Variants in PRMT9 observed in about 807,000 individuals in gnomAD.
PRMT9 encodes the protein protein arginine N-methyltransferase 9.
Under a neutral mutation model 83.2 loss-of-function variants are expected in PRMT9, and 59 were observed. The observed-to-expected ratio is 0.71, with a 90% CI of 0.57 to 0.88. The LOEUF is 0.88. Among genes scored for constraint, PRMT9 ranks in the 40% least tolerant of loss-of-function variants. The pLI is 0.00. For synonymous variants in PRMT9, 333 were observed against 353.2 expected, an observed-to-expected ratio of 0.94 and a Z score of 0.64; for missense variants, 947 against 1,021.9, an observed-to-expected ratio of 0.93 and a Z score of 1.00.
intron 1 of PRMT9, among the ~76,000 whole-genome samples, chr4:147,682,092 G>A (rs1736508898): frequency 2.0e-5 from 3 of 152,140 alleles, no homozygotes; most frequent in African/African-American, 7.2e-5. Context: ...TGCAACCTCC[G>A]CCTCCCGAGT....
At chr4:147,678,399 T>C (rs1372184660) in intron 2 of PRMT9, among the ~76,000 whole-genome samples, 1 of 152,244 alleles carries the variant, frequency 6.6e-6, no homozygotes, top group Non-Finnish European at 1.5e-5. Context: ...CCCATCACTC[T>C]GAAACGTTCA....
At chr4:147,677,577 C>T (rs777412866) in intron 2 of PRMT9, among the ~76,000 whole-genome samples, 2 of 151,620 alleles carry the variant, frequency 1.3e-5, no homozygotes, top group Non-Finnish European at 2.9e-5. Context: ...CCTCAGCCTC[C>T]CGAGTAGCTG....
intron 4 of PRMT9, among the ~76,000 whole-genome samples, chr4:147,672,327 C>A (rs1735793034): frequency 6.6e-6 from 1 of 152,136 alleles, no homozygotes; most frequent in Non-Finnish European, 1.5e-5. Flanking sequence ...GGAAGTTAAA[C>A]CCAGAAGAGA....
chr4:147,650,836 C>A (rs1274239572), intron 9 of PRMT9, among the ~76,000 whole-genome samples: 1 of 152,168 alleles, frequency 6.6e-6, no homozygotes, highest in Non-Finnish European at 1.5e-5. Flanking sequence ...GGCACGGTGG[C>A]TCATGCCTGT....
At chr4:147,671,054 T>G (rs1257580695) in intron 4 of PRMT9, among the ~76,000 whole-genome samples, 1 of 152,168 alleles carries the variant, frequency 6.6e-6, no homozygotes, top group African/African-American at 2.4e-5. Context: ...CCTACATCTT[T>G]AAGAGTGGTT....
rs538790926 is a variant in PRMT9 at position 147,653,871 on chromosome 4, C to T, written c.2026G>A (p.Glu676Lys). 2.5e-6 allele frequency: 4 copies of T among 1,612,666 alleles called. No homozygotes were observed. The South Asian group carries it at 4.4e-5, about 18-fold the overall frequency. The change falls in exon 9 of 12, where the codon GAA becomes AAA. Residue 676 changes from glutamate (E) to lysine (K), a missense_variant. Coordinates refer to ENST00000322396, the MANE Select transcript of PRMT9 (RefSeq NM_138364.4). ...TTTTACCTGGATATTGCAGCTTTTT[C>T]CATTATTTCCTGCTGAATGAGCCCA... ...PSGLIQQEIMEKAAISRCLLQ... is the reference protein window; with the variant it reads ...PSGLIQQEIMKKAAISRCLLQ...
chr4:147,662,279 A>G (rs545910558), intron 6 of PRMT9, among the ~76,000 whole-genome samples: 2 of 152,326 alleles, frequency 1.3e-5, no homozygotes, highest in Non-Finnish European at 1.5e-5. Flanking sequence ...AATTCAAAAC[A>G]AGCAACACTA....
At chr4:147,659,749 T>C (rs756964499) in intron 7 of PRMT9, among the ~76,000 whole-genome samples, 1 of 151,942 alleles carries the variant, frequency 6.6e-6, no homozygotes, top group African/African-American at 2.4e-5. Flanking sequence ...AGCTAATTTT[T>C]TGTATTTTTT....
chr4:147,659,601 G>C (rs1189266333), intron 7 of PRMT9, among the ~76,000 whole-genome samples: 1 of 109,940 alleles, frequency 9.1e-6, no homozygotes, highest in Non-Finnish European at 1.9e-5. Context: ...TTTCTGAGAC[G>C]GAGTTTCGCT....
Position 147,658,969 on chromosome 4 carries a change from G to A in PRMT9, c.1147-994C>T, listed in dbSNP as rs540402486. ...CCAAGGCGGACGGATCACGAGGCCA[G>A]GAGATTGAGACCATCCTGGCTAACA... On this transcript the variant is annotated intron_variant, in intron 7 of 11. Coordinates refer to ENST00000322396, the MANE Select transcript of PRMT9 (RefSeq NM_138364.4). Among the ~76,000 whole-genome samples, 9 of 152,208 alleles carry A rather than the reference G, an allele frequency of 5.9e-5. No individual in the cohort carries two copies. The South Asian group carries it at 1.7e-3, about 28-fold the overall frequency.
At chr4:147,645,127 A>G (rs1733648076) in intron 9 of PRMT9, among the ~76,000 whole-genome samples, 1 of 152,186 alleles carries the variant, frequency 6.6e-6, no homozygotes, top group African/African-American at 2.4e-5. Context: ...AGTAATTCAT[A>G]TACATTTCCA....
chr4:147,669,164 G>A lies in PRMT9; in HGVS notation c.847-519C>T, dbSNP rs571677546. ...AGCACTTTGGAAAGCCAAGGAGAGA[G>A]GACCACTTGAGGCCAGGAGTTTGAG... is the stretch of plus-strand genomic sequence containing the variant. On this transcript the variant is annotated intron_variant, in intron 5 of 11. Transcript: ENST00000322396. Among the ~76,000 whole-genome samples the A allele has an allele frequency of 4.6e-5, 7 of 152,134 alleles. No homozygotes were observed. In the South Asian group the frequency reaches 8.3e-4, roughly 18 times the overall value.
intron 8 of PRMT9, among the ~76,000 whole-genome samples, chr4:147,657,475 A>G (rs2126602103): frequency 6.6e-6 from 1 of 151,994 alleles, no homozygotes; most frequent in Middle Eastern, 3.4e-3. Context: ...CAGTGAGCCG[A>G]GATCAAGCCA....
rs371347806 is a variant in PRMT9, at chr4:147,659,246, C to T, written c.1147-1271G>A. On this transcript the variant is annotated intron_variant, in intron 7 of 11. Coordinates refer to ENST00000322396, the MANE Select transcript of PRMT9 (RefSeq NM_138364.4). Reference sequence around the variant, plus strand: ...TGAAACACCATCTCTACTAAAAATACAAAAATTAGCCGCTCATGGTGGTGG... The same window carrying T: ...TGAAACACCATCTCTACTAAAAATATAAAAATTAGCCGCTCATGGTGGTGG... Among the ~76,000 whole-genome samples, 5 of 147,170 alleles carry T rather than the reference C, an allele frequency of 3.4e-5. No homozygotes were observed. The East Asian group carries it at 1.0e-3, about 30-fold the overall frequency.
intron 9 of PRMT9, among the ~76,000 whole-genome samples, chr4:147,649,225 G>T (rs971378545): frequency 1.3e-5 from 2 of 151,438 alleles, no homozygotes; most frequent in African/African-American, 4.9e-5. Flanking sequence ...GAGAGAAAGG[G>T]AAAGAGGGCT....
chr4:147,656,677 C>A (rs1048965189), intron 8 of PRMT9, among the ~76,000 whole-genome samples: 2 of 140,260 alleles, frequency 1.4e-5, no homozygotes, highest in African/African-American at 5.2e-5. Flanking sequence ...GAGACTGAGG[C>A]AGGAGAATCA....
chr4:147,647,056 C>A (rs1277102189), intron 9 of PRMT9, among the ~76,000 whole-genome samples: 5 of 151,930 alleles, frequency 3.3e-5, no homozygotes, highest in Non-Finnish European at 7.4e-5. Context: ...GTTCAGGGAC[C>A]AAAACAGCCA....
At chr4:147,683,651 C>T (rs1736648999) in intron 1 of PRMT9, 148 bp downstream of exon 1, 2 of 801,498 alleles carry the variant, frequency 2.5e-6, no homozygotes, top group African/African-American at 3.5e-5. Flanking sequence ...GTTGGATCGG[C>T]CAGCAAGTGA....
Position 147,683,972 on chromosome 4 carries a change from G to A in PRMT9, c.16C>T (p.Pro6Ser). Residue 6 changes from proline to serine, a missense_variant, in exon 1 of 12, where the codon CCC (proline) becomes TCC (serine). Transcript: ENST00000322396. MSNSR[P>S]RSRRDAGGGA... ...CCCCCGGCGTCTCGGCGGGACCTGG[G>A]CCGCGAGTTCGACATGGCAGTCACC... 3 of 1,612,810 alleles carry A rather than the reference G, an allele frequency of 1.9e-6. No homozygotes were observed. The highest frequency in any genetic ancestry group is 2.5e-6 in the Non-Finnish European group (3 of 1,179,658).
Sources: gnomAD v4.1 joint callset for allele counts (sites outside exome capture counted in the v4.1 genomes callset) on GRCh38, gnomAD v4.1.1 for gene constraint, MANE v1.5 for transcripts, NCBI Gene and HGNC (gene_info 2026-07-23, HGNC 2026-07-21) for gene names.